Variants in NIT2 observed in about 807,000 individuals in gnomAD.
NIT2 encodes the protein omega-amidase NIT2.
Under a neutral mutation model 42.7 loss-of-function variants are expected in NIT2, and 46 were observed. That is an observed-to-expected ratio of 1.08 (90% CI 0.85 to 1.38). The LOEUF (loss-of-function observed/expected upper bound fraction) is 1.38. NIT2 is among the 40% of genes most tolerant of loss of function. The pLI, the probability that NIT2 is intolerant of heterozygous loss-of-function variation, is 0.00. For synonymous variants in NIT2, 123 were observed against 121.9 expected, an observed-to-expected ratio of 1.01 and a Z score of -0.06; for missense variants, 309 against 342.5, an observed-to-expected ratio of 0.90 and a Z score of 0.77.
intron 1 of NIT2, 41 bp downstream of exon 1, chr3:100,334,839 G>GT (rs1559821634): frequency 6.6e-6 from 8 of 1,209,022 alleles, no homozygotes; most frequent in African/African-American, 6.3e-5. Context: ...AGTTCGGGCC[G>GT]CGGGGGAGGC....
At chr3:100,354,437 G>A (rs1232570495) in intron 8 of NIT2, among the ~76,000 whole-genome samples, 1 of 152,212 alleles carries the variant, frequency 6.6e-6, no homozygotes, top group Non-Finnish European at 1.5e-5. Flanking sequence ...GCTTCCTGTT[G>A]GTGGTAGGTA....
chr3:100,335,259 G>C (rs1365887092), intron 1 of NIT2: 1 of 203,314 alleles, frequency 4.9e-6, no homozygotes, highest in African/African-American at 2.4e-5. Flanking sequence ...CACTTACTTT[G>C]TTCAGTGACT....
intron 7 of NIT2, 54 bp downstream of exon 7, chr3:100,348,935 A>T: frequency 6.5e-7 from 1 of 1,531,796 alleles, no homozygotes. Flanking sequence ...TTGTAGAAAG[A>T]TTTCCGGTTG....
chr3:100,335,182 C>T, intron 1 of NIT2: 2 of 209,702 alleles, frequency 9.5e-6, no homozygotes, highest in South Asian at 5.1e-5. Context: ...CACAAAGGTG[C>T]CCAGGCGGTT....
At chr3:100,338,946 A>C in intron 1 of NIT2, 141 bp from the exon 2 acceptor site, 1 of 697,218 alleles carries the variant, frequency 1.4e-6, no homozygotes, top group Non-Finnish European at 2.6e-6. Context: ...ATACCTCATC[A>C]GTTGTGGCAT....
chr3:100,343,615 C>A (rs1007571027), intron 4 of NIT2, among the ~76,000 whole-genome samples: 2 of 152,054 alleles, frequency 1.3e-5, no homozygotes, highest in Non-Finnish European at 2.9e-5. Context: ...GCATATTTTT[C>A]TTTACAGTGT....
intron 6 of NIT2, among the ~76,000 whole-genome samples, chr3:100,346,564 C>G (rs1227074889): frequency 6.6e-6 from 1 of 152,130 alleles, no homozygotes; most frequent in Non-Finnish European, 1.5e-5. Flanking sequence ...GTGGATTTCA[C>G]CACTCAGTAC....
intron 7 of NIT2, 131 bp downstream of exon 7, chr3:100,349,012 C>T: frequency 1.4e-6 from 1 of 702,658 alleles, no homozygotes; most frequent in Admixed American, 2.4e-5. Context: ...TATCCAAATG[C>T]AGTTGGAAAG....
intron 1 of NIT2, among the ~76,000 whole-genome samples, chr3:100,337,680 C>T (rs1463145576): frequency 6.6e-6 from 1 of 152,160 alleles, no homozygotes; most frequent in Non-Finnish European, 1.5e-5. Flanking sequence ...TCTGAAACTC[C>T]TGACCTCAGG....
intron 4 of NIT2, 71 bp from the exon 5 acceptor site, chr3:100,345,514 G>A: frequency 9.6e-7 from 1 of 1,040,654 alleles, no homozygotes; most frequent in Non-Finnish European, 1.5e-6. Context: ...TCTGCCCGGG[G>A]AAAGATATTG....
intron 4 of NIT2, among the ~76,000 whole-genome samples, chr3:100,343,401 T>A (rs1706177033): frequency 6.6e-6 from 1 of 152,090 alleles, no homozygotes. Flanking sequence ...TCCAATACTT[T>A]TTCCTTCTCT....
At chr3:100,334,829 A>C (rs1033648788) in intron 1 of NIT2, 31 bp downstream of exon 1, 1 of 1,231,618 alleles carries the variant, frequency 8.1e-7, no homozygotes, top group Non-Finnish European at 1.0e-6. Flanking sequence ...CTGCAGCTCG[A>C]GTTCGGGCCG....
At chr3:100,340,213 C>T (rs1039320927) in intron 3 of NIT2, among the ~76,000 whole-genome samples, 13 of 152,080 alleles carry the variant, frequency 8.5e-5, no homozygotes, top group Admixed American at 2.6e-4. Context: ...TGCAGGTGTG[C>T]GCCACCATGC....
chr3:100,345,830 C>T (rs1039877516), intron 5 of NIT2, 152 bp downstream of exon 5: 11 of 634,918 alleles, frequency 1.7e-5, no homozygotes, highest in Admixed American at 8.7e-5. Flanking sequence ...CTGGAAAGTT[C>T]GGGCTTATTT....
intron 4 of NIT2, among the ~76,000 whole-genome samples, chr3:100,343,609 AT>A (rs1295574441): frequency 1.3e-5 from 2 of 152,096 alleles, no homozygotes; most frequent in African/African-American, 4.8e-5. Context: ...TTAAAAGCAT[AT>A]TTTTCTTTAC....
intron 8 of NIT2, among the ~76,000 whole-genome samples, chr3:100,352,930 A>G (rs909586034): frequency 3.3e-5 from 5 of 152,350 alleles, no homozygotes; most frequent in Admixed American, 2.6e-4. Flanking sequence ...AGCAGTCAGG[A>G]TGGTTCAATA....
At chr3:100,341,412 A>G (rs1484749279) in intron 4 of NIT2, among the ~76,000 whole-genome samples, 1 of 152,110 alleles carries the variant, frequency 6.6e-6, no homozygotes, top group Non-Finnish European at 1.5e-5. Context: ...TCTGTCACCC[A>G]GGCTGGAGTA....
intron 8 of NIT2, among the ~76,000 whole-genome samples, chr3:100,354,473 A>G (rs1385981636): frequency 6.6e-5 from 10 of 152,218 alleles, no homozygotes; most frequent in Non-Finnish European, 1.5e-4. Flanking sequence ...CTTTATAATC[A>G]TCAGATAACC....
chr3:100,352,314 A>G (rs950896169), intron 7 of NIT2, 90 bp from the exon 8 acceptor site: 37 of 989,844 alleles, frequency 3.7e-5, no homozygotes, highest in Non-Finnish European at 5.3e-5. Context: ...GAACTATCCT[A>G]TTTTTTAAAA....
Sources: allele counts gnomAD v4.1 joint callset (sites outside exome capture counted in the v4.1 genomes callset), GRCh38; gene constraint gnomAD v4.1.1; transcripts MANE v1.5; gene names NCBI Gene and HGNC (gene_info 2026-07-23, HGNC 2026-07-21).